Variants in SACS observed in about 807,000 individuals in gnomAD.
SACS encodes sacsin.
A neutral mutation model predicts 348.0 loss-of-function variants in SACS; 197 were observed. That is an observed-to-expected ratio of 0.57 (90% CI 0.50 to 0.64). The LOEUF (loss-of-function observed/expected upper bound fraction) is 0.64. Among genes scored for constraint, SACS ranks in the 30% least tolerant of loss-of-function variants. The pLI is 0.00. For missense variants in SACS, 4,999 were observed against 5,360.8 expected (o/e 0.93, Z 2.11); for synonymous variants, 1,985 against 1,910.6 (o/e 1.04, Z -1.02).
Position 23,340,292 on chromosome 13 carries a change from A to G in SACS, c.3584T>C (p.Ile1195Thr), listed in dbSNP as rs1869079510. ...DMCDVGHAIL[I>T]GSSLPLVESI... ...TTCAACAAGAGGAAGTGAGGAGCCA[A>G]TGAGAATTGCATGGCCTACATCACA... Residue 1195 changes from isoleucine to threonine, a missense_variant, in exon 10 of 10, where the codon ATT becomes ACT. By Grantham distance (89) the Ile-to-Thr change is moderately conservative (BLOSUM62 -1). Around this residue, in one of 6 missense-constraint regions of SACS, gnomAD observed 3,156 missense variants for 3,380.1 expected, o/e 0.93. Transcript: ENST00000382292. 1.2e-6 allele frequency: 2 copies of G among 1,613,896 alleles called. No individual in the cohort carries two copies. Among genetic ancestry groups the G allele is most frequent in the African/African-American group, 1.3e-5 (1 of 75,064 alleles).
chr13:23,375,105 C>G lies in SACS; in HGVS notation c.171+14G>C. ...GTGGCGGAGCCCAGCCCAGCGCCCC[C>G]GGCCACCGCCTACCTCGCGGCCGCC... On this transcript the variant is annotated intron_variant, in intron 3 of 9. Coordinates refer to ENST00000382292, the MANE Select transcript of SACS (RefSeq NM_014363.6). The G allele has an allele frequency of 6.7e-7, 1 of 1,488,940 alleles. No individual in the cohort carries two copies. Among genetic ancestry groups the G allele is most frequent in the Non-Finnish European group, 8.9e-7 (1 of 1,119,514 alleles). 92.2% of individuals were successfully genotyped at this position (1,488,940 alleles called of 1,614,324 possible).
chr13:23,370,899 C>T (rs930254729), intron 4 of SACS, among the ~76,000 whole-genome samples, 179 bp downstream of exon 4: 14 of 152,076 alleles, frequency 9.2e-5, no homozygotes, highest in Non-Finnish European at 1.9e-4. Context: ...GGCTGAGACA[C>T]GAGAATCACT....
rs960814170 is a variant in SACS, at chr13:23,411,734, T to G, written c.-495A>C. 1.2e-5 allele frequency: 2 copies of G among 160,238 alleles called. No individual in the cohort carries two copies. Among genetic ancestry groups the G allele is most frequent in the Non-Finnish European group, 2.7e-5 (2 of 74,158 alleles). The allele number at this position is 160,238 out of a possible 1,614,324, so 9.9% of individuals were successfully genotyped here. Reference sequence around the variant, plus strand: ...GACATGGGCATCTTGGCCTCACTTCTGTGATCCTGGAAGAAAAATCAAGGA... The same window carrying G: ...GACATGGGCATCTTGGCCTCACTTCGGTGATCCTGGAAGAAAAATCAAGGA... On this transcript the variant is annotated 5_prime_UTR_variant, in exon 2 of 10. Transcript: ENST00000382292.
intron 1 of SACS, among the ~76,000 whole-genome samples, chr13:23,416,632 CTG>C (rs913185122): frequency 6.6e-6 from 1 of 151,710 alleles, no homozygotes; most frequent in Non-Finnish European, 1.5e-5. Context: ...TGGCGCATGT[CTG>C]TAGTCCCAGC....
chr13:23,371,000 A>G (rs993879555), intron 4 of SACS, 78 bp downstream of exon 4: 3 of 975,062 alleles, frequency 3.1e-6, no homozygotes, highest in African/African-American at 3.3e-5. Flanking sequence ...TCAAAAACCA[A>G]CCAAACAAAC....
chr13:23,386,552 A>T (rs1467407691), intron 2 of SACS, among the ~76,000 whole-genome samples: 1 of 152,334 alleles, frequency 6.6e-6, no homozygotes, highest in East Asian at 1.9e-4. Context: ...CAGACCACTC[A>T]AATTGATTCC....
intron 4 of SACS, among the ~76,000 whole-genome samples, chr13:23,369,921 C>A (rs1373875035): frequency 6.6e-6 from 1 of 151,074 alleles, no homozygotes; most frequent in Admixed American, 6.6e-5. Flanking sequence ...TGCAATGGAG[C>A]GATCTCAGCT....
intron 2 of SACS, among the ~76,000 whole-genome samples, chr13:23,377,244 G>C (rs1377170638): frequency 6.6e-6 from 1 of 152,152 alleles, no homozygotes; most frequent in Non-Finnish European, 1.5e-5. Context: ...CTTAAAACCA[G>C]GTGAATTGTA....
intron 1 of SACS, among the ~76,000 whole-genome samples, chr13:23,424,204 C>T (rs1246220817): frequency 7.2e-5 from 11 of 152,192 alleles, no homozygotes; most frequent in African/African-American, 2.7e-4. Flanking sequence ...TATACAATTT[C>T]CAAACATATG....
At position 23,332,961 on chromosome 13, in the gene SACS, A is replaced by T. The variant is rs755403408; in HGVS notation, c.10915T>A (p.Leu3639Met). 1 of 1,613,938 alleles carries T rather than the reference A, an allele frequency of 6.2e-7. No individual in the cohort carries two copies. The highest frequency in any genetic ancestry group is 1.1e-5 in the South Asian group (1 of 91,084). ...LHHIFQERMD[L>M]LSGNFLKELS... The stretch of plus-strand genomic sequence containing the variant: ...TCTTTCAGAAAATTTCCAGATAACA[A>T]ATCCATTCGTTCTTGGAATATATGA... The change falls in exon 10 of 10, where the codon TTG becomes ATG. Residue 3639 changes from leucine (L) to methionine (M), a missense_variant. Coordinates refer to ENST00000382292, the MANE Select transcript of SACS (RefSeq NM_014363.6).
chr13:23,337,409 T>C lies in SACS; in HGVS notation c.6467A>G (p.Asp2156Gly). The C allele has an allele frequency of 6.2e-7, 1 of 1,613,104 alleles. No individual in the cohort carries two copies. Among genetic ancestry groups the C allele is most frequent in the Non-Finnish European group, 8.5e-7 (1 of 1,179,604 alleles). The change falls in exon 10 of 10, where the codon GAT (aspartate) becomes GGT (glycine). Residue 2156 changes from aspartate to glycine, a missense_variant. Physicochemically the swap from Asp to Gly is moderately conservative, Grantham distance 94. Around this residue, in one of 6 missense-constraint regions of SACS, gnomAD observed 3,156 missense variants for 3,380.1 expected, o/e 0.93. Coordinates refer to ENST00000382292, the MANE Select transcript of SACS (RefSeq NM_014363.6). Reference protein sequence around the residue: ...IKLVQLGMAKDDILWDDMLER... With the variant: ...IKLVQLGMAKGDILWDDMLER... ...TAGCATATCATCCCATAAAATATCA[T>C]CTTTTGCCATACCTAACTGAACTAG...
chr13:23,365,263 A>G lies in SACS; in HGVS notation c.360T>C (p.Asn120=), dbSNP rs1870993549. ...CTTCTGTCGCCCCAGCATCTTCTGC[A>G]TTCTGAATTAATTCCTAACCAAAAA... The part of the protein sequence containing the change: ...GGQILKELIQ[N]AEDAGATEVK... The change falls in exon 6 of 10, where the codon AAT becomes AAC. Residue 120 remains asparagine (N), a synonymous_variant. Transcript: ENST00000382292. 1.2e-6 allele frequency: 2 copies of G among 1,603,822 alleles called. No homozygotes were observed. Among genetic ancestry groups the G allele is most frequent in the Non-Finnish European group, 1.7e-6 (2 of 1,174,110 alleles).
Position 23,331,278 on chromosome 13 carries a change from T to C in SACS, c.12598A>G (p.Thr4200Ala), listed in dbSNP as rs749802305. The C allele has an allele frequency of 4.3e-6, 7 of 1,614,082 alleles. No individual in the cohort carries two copies. The highest frequency in any genetic ancestry group is 5.9e-6 in the Non-Finnish European group (7 of 1,179,968). ...GGDIYGSYQPTYTYAIIVQEV... is the reference protein window; with the variant it reads ...GGDIYGSYQPAYTYAIIVQEV... ...TGTACAATAATTGCATATGTGTATG[T>C]TGGCTGGTATGATCCATAGATATCA... The change falls in exon 10 of 10, where the codon ACA becomes GCA. Residue 4200 changes from threonine (T) to alanine (A), a missense_variant. Physicochemically the swap from Thr to Ala is moderately conservative, Grantham distance 58. Around this residue, in one of 6 missense-constraint regions of SACS, gnomAD observed 831 missense variants for 941.8 expected, o/e 0.88. Coordinates refer to ENST00000382292, the MANE Select transcript of SACS (RefSeq NM_014363.6).
chr13:23,394,846 C>T (rs1872651739), intron 2 of SACS, among the ~76,000 whole-genome samples: 1 of 152,204 alleles, frequency 6.6e-6, no homozygotes, highest in African/African-American at 2.4e-5. Context: ...CAGAGCAAGT[C>T]TCCCTCTCGA....
chr13:23,384,497 C>G (rs1872191753), intron 2 of SACS, among the ~76,000 whole-genome samples: 1 of 152,202 alleles, frequency 6.6e-6, no homozygotes, highest in Non-Finnish European at 1.5e-5. Context: ...CTTAACTTTT[C>G]TGTTTTGTGT....
intron 9 of SACS, among the ~76,000 whole-genome samples, chr13:23,344,309 T>C (rs908357780): frequency 1.3e-5 from 2 of 152,222 alleles, no homozygotes; most frequent in Non-Finnish European, 2.9e-5. Context: ...TAGCCTTGCA[T>C]GAAATTTGGC....
At chr13:23,356,216 A>G (rs955392222) in intron 7 of SACS, among the ~76,000 whole-genome samples, 1 of 152,264 alleles carries the variant, frequency 6.6e-6, no homozygotes, top group African/African-American at 2.4e-5. Flanking sequence ...AATGCCAGGC[A>G]TAGAGACTTT....
Position 23,336,244 on chromosome 13 carries a change from T to C in SACS, c.7632A>G (p.Glu2544=), listed in dbSNP as rs752179231. ...CATTTTGAAGAAGCTCTTTCAACAT[T>C]TCCTTTTCAGAAGGATATGCATTAA... ...SILNAYPSEK[E]MLKELLQNAD... is the part of the protein sequence containing the mutation. Residue 2544 remains glutamate (E), a synonymous_variant, in exon 10 of 10, where the codon GAA becomes GAG. Coordinates refer to ENST00000382292, the MANE Select transcript of SACS (RefSeq NM_014363.6). The C allele has an allele frequency of 1.9e-5, 30 of 1,613,946 alleles. No individual in the cohort carries two copies. In the Admixed American group the frequency reaches 2.8e-4, roughly 15 times the overall value.
chr13:23,366,424 T>C (rs1871066413), intron 5 of SACS, among the ~76,000 whole-genome samples: 1 of 145,764 alleles, frequency 6.9e-6, no homozygotes, highest in South Asian at 2.3e-4. Context: ...GATTCTTCCT[T>C]GTTACGTAAC....
Sources: gnomAD v4.1 joint callset for allele counts (sites outside exome capture counted in the v4.1 genomes callset) on GRCh38, gnomAD v4.1.1 for gene constraint, gnomAD v4.1.1 regional missense constraint, MANE v1.5 for transcripts, NCBI Gene and HGNC (gene_info 2026-07-23, HGNC 2026-07-21) for gene names.